Variants in PTPRG observed in about 807,000 individuals in gnomAD.
PTPRG encodes the protein receptor-type tyrosine-protein phosphatase gamma.
PTPRG carries 102 observed loss-of-function variants against 165.3 expected under a neutral mutation model. The observed-to-expected ratio is 0.62, with a 90% CI of 0.53 to 0.73. The LOEUF (loss-of-function observed/expected upper bound fraction) is 0.73, where lower values mean the gene tolerates loss of function less well. Ranked by LOEUF, PTPRG falls within the 30% of genes least tolerant of loss-of-function variation. The pLI is 0.00. For synonymous variants in PTPRG, 675 were observed against 669.5 expected (o/e 1.01, Z -0.13); for missense variants, 1,866 against 1,861.4 (o/e 1.00, Z -0.05).
At chr3:62,068,971 G>A (rs757114159) in intron 4 of PTPRG, among the ~76,000 whole-genome samples, 5 of 152,174 alleles carry the variant, frequency 3.3e-5, no homozygotes, top group South Asian at 2.1e-4. Flanking sequence ...AAAGATACCC[G>A]CTACCTACTA....
intron 2 of PTPRG, among the ~76,000 whole-genome samples, chr3:61,868,557 T>C (rs1334637297): frequency 2.0e-5 from 3 of 152,210 alleles, no homozygotes; most frequent in Non-Finnish European, 4.4e-5. Context: ...CCAATCTCTT[T>C]TCTTCCTCCT....
chr3:62,231,405 T>C (rs1700899172), intron 14 of PTPRG, 94 bp downstream of exon 14: 1 of 968,366 alleles, frequency 1.0e-6, no homozygotes. Flanking sequence ...TGAAGTCTTG[T>C]AGATGGCACA....
At chr3:61,656,181 A>G (rs972782227) in intron 1 of PTPRG, among the ~76,000 whole-genome samples, 1 of 152,150 alleles carries the variant, frequency 6.6e-6, no homozygotes, top group East Asian at 1.9e-4. Context: ...GCAGTTAGCT[A>G]TGATTGTACC....
At chr3:62,168,763 T>C (rs996407903) in intron 8 of PTPRG, among the ~76,000 whole-genome samples, 2 of 152,206 alleles carry the variant, frequency 1.3e-5, no homozygotes, top group Non-Finnish European at 2.9e-5. Context: ...TCTTTCAGCC[T>C]TGCCGTCTGT....
In PTPRG at chr3:61,640,998, G is replaced by A. The variant is rs943957357; in HGVS notation, c.85+78626G>A. On this transcript the variant is annotated intron_variant, in intron 1 of 29. Transcript: ENST00000474889. ...TTGGTGTGGAGATAGGAGGAGATCA[G>A]GAGAAGATTCTTCGAGCTTCGGCTA... 2.0e-5 allele frequency among the ~76,000 whole-genome samples: 3 copies of A among 152,160 alleles called. 1 individual carries two copies. The highest frequency in any genetic ancestry group is 7.2e-5 in the African/African-American group (3 of 41,434).
intron 1 of PTPRG, chr3:61,743,172 G>A (rs1469470284): frequency 4.7e-6 from 4 of 847,490 alleles, no homozygotes; most frequent in Admixed American, 2.0e-5. Flanking sequence ...TTTTTGCTTC[G>A]GGCTGGAAAT....
chr3:62,040,646 G>T (rs1700096881), intron 4 of PTPRG, among the ~76,000 whole-genome samples: 1 of 152,168 alleles, frequency 6.6e-6, no homozygotes, highest in Non-Finnish European at 1.5e-5. Context: ...GTAGAGTTGG[G>T]ATTTCAACAT....
intron 1 of PTPRG, among the ~76,000 whole-genome samples, chr3:61,733,949 C>T (rs2032621297): frequency 6.6e-6 from 1 of 152,182 alleles, no homozygotes; most frequent in African/African-American, 2.4e-5. Flanking sequence ...AGGTGCATAT[C>T]ACCATACCTG....
rs373090043 is a variant in PTPRG, at chr3:61,815,396, G to T, written c.190+66414G>T. 2.4e-4 allele frequency among the ~76,000 whole-genome samples: 36 copies of T among 152,118 alleles called. 1 individual carries two copies. In the South Asian group the frequency reaches 7.1e-3, roughly 30 times the overall value. On this transcript the variant is annotated intron_variant, in intron 2 of 29. Transcript: ENST00000474889. Reference sequence around the variant, plus strand: ...CCAGACTGGGCAACAGAACGAGACCGTCTCAAAAATTAAAATTAAAAATAA... The same window carrying T: ...CCAGACTGGGCAACAGAACGAGACCTTCTCAAAAATTAAAATTAAAAATAA...
chr3:62,268,989 G>A lies in PTPRG; in HGVS notation c.2875-46G>A, dbSNP rs1049439035. 2.0e-6 allele frequency: 3 copies of A among 1,493,198 alleles called. No individual in the cohort carries two copies. The African/African-American group carries it at 4.2e-5, about 21-fold the overall frequency. The allele number at this position is 1,493,198 out of a possible 1,614,324, so 92.5% of individuals were successfully genotyped here. On this transcript the variant is annotated intron_variant, in intron 19 of 29. Transcript: ENST00000474889. ...TTGAAATTACATTATCAACAGAATT[G>A]TGGCATAGATTGCAGTTATACTTTA...
rs540948911 is a variant in PTPRG, at chr3:62,167,934, T to G, written c.841-37T>G. ...ATTGATGTGTGTTTTTTGTGTTGTT[T>G]TTTTTTTCCCCCTCCCCTCTCTGGT... On this transcript the variant is annotated intron_variant, in intron 7 of 29. Transcript: ENST00000474889. 1.5e-4 allele frequency: 239 copies of G among 1,558,316 alleles called. 1 individual carries two copies. In the Middle Eastern group the frequency reaches 2.0e-3, roughly 13 times the overall value.
chr3:62,017,932 G>T (rs1183037539), intron 4 of PTPRG, among the ~76,000 whole-genome samples: 1 of 152,150 alleles, frequency 6.6e-6, no homozygotes, highest in African/African-American at 2.4e-5. Context: ...TTTCATTCAT[G>T]AGCCAAGACA....
At chr3:61,586,256 A>G (rs983341810) in intron 1 of PTPRG, among the ~76,000 whole-genome samples, 1 of 142,668 alleles carries the variant, frequency 7.0e-6, no homozygotes, top group African/African-American at 2.5e-5. Context: ...AGTGGGAAAT[A>G]AAAAAAAAAA....
intron 1 of PTPRG, among the ~76,000 whole-genome samples, chr3:61,613,096 T>C (rs552380761): frequency 6.3e-4 from 96 of 152,304 alleles, no homozygotes; most frequent in African/African-American, 2.1e-3. Context: ...TTCTCCATAT[T>C]CAAGGGAAAT....
intron 2 of PTPRG, among the ~76,000 whole-genome samples, chr3:61,806,401 G>C (rs774711607): frequency 6.6e-6 from 1 of 152,204 alleles, no homozygotes; most frequent in African/African-American, 2.4e-5. Flanking sequence ...TAATGGATGG[G>C]TTAAAGACTT....
chr3:62,096,577 A>G (rs552458908), intron 5 of PTPRG, among the ~76,000 whole-genome samples: 2 of 152,178 alleles, frequency 1.3e-5, no homozygotes, highest in African/African-American at 2.4e-5. Context: ...TATCTCTGCA[A>G]ATACAACTGG....
At chr3:61,979,069 A>T (rs1193560148) in intron 2 of PTPRG, among the ~76,000 whole-genome samples, 1 of 152,226 alleles carries the variant, frequency 6.6e-6, no homozygotes, top group African/African-American at 2.4e-5. Flanking sequence ...TTTCATTACA[A>T]TGGATATAGT....
In PTPRG at chr3:62,214,379, A is replaced by C. The variant is rs934254038; in HGVS notation, c.2156-4472A>C. On this transcript the variant is annotated intron_variant, in intron 12 of 29. Coordinates refer to ENST00000474889, the MANE Select transcript of PTPRG (RefSeq NM_002841.4). The surrounding 1 kb of genome is among the most constrained non-coding windows in gnomAD (Gnocchi z 5.2). ...ATAATCACAATAGTTAACATTAACC[A>C]GGTGCCAGGCAACATTCTAAGTGTT... 5.9e-5 allele frequency among the ~76,000 whole-genome samples: 9 copies of C among 152,242 alleles called. No homozygotes were observed. Among genetic ancestry groups the C allele is most frequent in the Non-Finnish European group, 1.0e-4 (7 of 68,036 alleles).
At chr3:62,284,578 C>T (rs909251187) in intron 28 of PTPRG, among the ~76,000 whole-genome samples, 1 of 152,074 alleles carries the variant, frequency 6.6e-6, no homozygotes, top group Non-Finnish European at 1.5e-5. Context: ...GTTGCTAGCT[C>T]TAGTGAGATA....
Sources: gnomAD v4.1 joint callset for allele counts (sites outside exome capture counted in the v4.1 genomes callset) on GRCh38, gnomAD v4.1.1 for gene constraint, Gnocchi (gnomAD v3.1) non-coding constraint, MANE v1.5 for transcripts, NCBI Gene and HGNC (gene_info 2026-07-23, HGNC 2026-07-21) for gene names.